EEFSEC: variants seen among roughly 807,000 people sequenced by gnomAD.
EEFSEC encodes selenocysteine-specific elongation factor.
A neutral mutation model predicts 42.1 loss-of-function variants in EEFSEC; 43 were observed. The ratio of observed to expected loss-of-function variants is 1.02; its 90% CI spans 0.80 to 1.32. EEFSEC has a LOEUF of 1.32. Among genes scored for constraint, EEFSEC ranks in the 40% most tolerant of loss-of-function variants. The probability of loss-of-function intolerance (pLI) is 0.00; values close to 1 mark genes in which losing one functional copy is unlikely to be tolerated. For synonymous variants in EEFSEC, 354 were observed against 339.1 expected (o/e 1.04, Z -0.48); for missense variants, 745 against 803.6 (o/e 0.93, Z 0.88).
intron 1 of EEFSEC, among the ~76,000 whole-genome samples, chr3:128,175,044 T>C (rs2065334374): frequency 6.6e-6 from 1 of 152,144 alleles, no homozygotes. Flanking sequence ...CTCTCCTGTC[T>C]AATGTCATCA....
At chr3:128,348,195 GAAAC>G (rs1251443056) in intron 5 of EEFSEC, among the ~76,000 whole-genome samples, 2 of 151,616 alleles carry the variant, frequency 1.3e-5, no homozygotes, top group Non-Finnish European at 2.9e-5. Context: ...ACTAAAATGA[GAAAC>G]AAAGCAGTTA....
chr3:128,360,396 G>A (rs554958481), intron 6 of EEFSEC, among the ~76,000 whole-genome samples: 84 of 152,320 alleles, frequency 5.5e-4, no homozygotes, highest in African/African-American at 1.9e-3. Context: ...GAAGGATCCC[G>A]GGATTCTTCC....
chr3:128,153,625 CCGCAGAGCCGCG>C lies in EEFSEC; in HGVS notation c.119_130del (p.Pro40_Glu44delinsGln), dbSNP rs1298621175. 32 of 1,597,312 alleles carry C rather than the reference CCGCAGAGCCGCG, an allele frequency of 2.0e-5. No homozygotes were observed. The highest frequency in any genetic ancestry group is 2.4e-5 in the Non-Finnish European group (28 of 1,177,638). ...CTCCACCGCCGCCTTTGACAAGCAGCCGCAGAGCCGCGAGCGCGGCATCACGCTCGATCTGGG... is the reference window on the plus strand; with the variant it reads ...CTCCACCGCCGCCTTTGACAAGCAGCAGCGCGGCATCACGCTCGATCTGGG... On this transcript the variant is annotated inframe_deletion, in exon 1 of 7. Transcript: ENST00000254730.
chr3:128,162,530 T>C (rs1220914296), intron 1 of EEFSEC, among the ~76,000 whole-genome samples: 1 of 152,208 alleles, frequency 6.6e-6, no homozygotes, highest in Non-Finnish European at 1.5e-5. Context: ...GCACCTTCTC[T>C]TGGCGCTGGA....
chr3:128,366,145 C>A (rs2067587456), intron 6 of EEFSEC, among the ~76,000 whole-genome samples: 1 of 152,234 alleles, frequency 6.6e-6, no homozygotes, highest in Non-Finnish European at 1.5e-5. Context: ...GAGTTGGGGA[C>A]ACACCCCTTC....
rs138470496 is a variant in EEFSEC, at chr3:128,399,075, A to AAAAT, written c.1601-8966_1601-8963dup. Among the ~76,000 whole-genome samples, 758 of 147,942 alleles carry AAAAT rather than the reference A, an allele frequency of 5.1e-3. 6 individuals are homozygous for AAAAT. Among genetic ancestry groups the AAAAT allele is most frequent in the South Asian group, 0.018 (84 of 4,760 alleles). ...AGAATGGATTTGTTTTTTGCCTTAA[A>AAAAT]AAATAAATAAATAAATAAATAAATA... On this transcript the variant is annotated intron_variant, in intron 6 of 6. Coordinates refer to ENST00000254730, the MANE Select transcript of EEFSEC (RefSeq NM_021937.5).
At chr3:128,350,435 G>A (rs922876099) in intron 5 of EEFSEC, among the ~76,000 whole-genome samples, 5 of 152,206 alleles carry the variant, frequency 3.3e-5, no homozygotes, top group Admixed American at 3.3e-4. Flanking sequence ...CTGCCAGAGG[G>A]TTGAAGGCCA....
intron 6 of EEFSEC, among the ~76,000 whole-genome samples, chr3:128,376,174 G>A (rs1434952201): frequency 6.6e-6 from 1 of 152,194 alleles, no homozygotes; most frequent in Middle Eastern, 3.2e-3. Context: ...GGAGCCTGGG[G>A]CATGCACAGT....
intron 6 of EEFSEC, among the ~76,000 whole-genome samples, chr3:128,390,999 A>G (rs997637189): frequency 6.6e-6 from 1 of 152,066 alleles, no homozygotes; most frequent in Non-Finnish European, 1.5e-5. Flanking sequence ...CACCCTCTTG[A>G]CACTCCCCTC....
chr3:128,165,834 T>C (rs2065237843), intron 1 of EEFSEC, among the ~76,000 whole-genome samples: 1 of 152,226 alleles, frequency 6.6e-6, no homozygotes, highest in South Asian at 2.1e-4. Flanking sequence ...ATAGATTTAT[T>C]TGGGTTGCTT....
chr3:128,201,101 T>G (rs529950702), intron 1 of EEFSEC, among the ~76,000 whole-genome samples: 59 of 152,314 alleles, frequency 3.9e-4, no homozygotes, highest in African/African-American at 1.4e-3. Context: ...TTATTTAACC[T>G]TCTCCTAAGT....
intron 1 of EEFSEC, among the ~76,000 whole-genome samples, chr3:128,167,059 C>A (rs1032024169): frequency 6.6e-6 from 1 of 152,098 alleles, no homozygotes; most frequent in Non-Finnish European, 1.5e-5. Context: ...GACTCCAGGC[C>A]GAATGAACCA....
At chr3:128,224,463 G>A (rs747404864) in intron 1 of EEFSEC, among the ~76,000 whole-genome samples, 1 of 152,098 alleles carries the variant, frequency 6.6e-6, no homozygotes, top group Non-Finnish European at 1.5e-5. Flanking sequence ...CATTTATCAT[G>A]TTCCTATTAG....
chr3:128,253,485 T>C (rs1271355132), intron 2 of EEFSEC, among the ~76,000 whole-genome samples: 2 of 152,202 alleles, frequency 1.3e-5, no homozygotes, highest in East Asian at 3.9e-4. Flanking sequence ...GCCCATGGAC[T>C]ATTGAGATGG....
chr3:128,237,481 A>G (rs1282628406), intron 1 of EEFSEC, among the ~76,000 whole-genome samples: 2 of 152,200 alleles, frequency 1.3e-5, no homozygotes, highest in East Asian at 3.9e-4. Context: ...ATGGCTACCC[A>G]TTGTCCCTTT....
intron 3 of EEFSEC, among the ~76,000 whole-genome samples, chr3:128,263,940 T>A (rs2066324860): frequency 6.6e-6 from 1 of 152,138 alleles, no homozygotes; most frequent in Admixed American, 6.5e-5. Flanking sequence ...CACTTGTCAT[T>A]CTCTCAGGCA....
intron 6 of EEFSEC, among the ~76,000 whole-genome samples, chr3:128,400,268 C>A (rs1339842894): frequency 3.3e-5 from 5 of 152,214 alleles, no homozygotes; most frequent in Admixed American, 3.3e-4. Context: ...TGGAGCCCAC[C>A]AGCACCCTGT....
intron 1 of EEFSEC, among the ~76,000 whole-genome samples, chr3:128,244,269 G>A (rs1006650736): frequency 6.6e-6 from 1 of 152,242 alleles, no homozygotes; most frequent in African/African-American, 2.4e-5. Flanking sequence ...GGACCCGGAA[G>A]ACAGTTGGGT....
chr3:128,208,271 G>A lies in EEFSEC; in HGVS notation c.317-38565G>A, dbSNP rs80350321. On this transcript the variant is annotated intron_variant, in intron 1 of 6. Transcript: ENST00000254730. ...TAGCACACTAAGAGTTTTTTGTTGC[G>A]GATTTCACTCTAACAGGCACCCAAG... Among the ~76,000 whole-genome samples the A allele has an allele frequency of 3.9e-3, 587 of 152,248 alleles. 3 individuals are homozygous for A. Among genetic ancestry groups the A allele is most frequent in the African/African-American group, 0.012 (500 of 41,548 alleles).
Sources: allele counts gnomAD v4.1 joint callset (sites outside exome capture counted in the v4.1 genomes callset), GRCh38; gene constraint gnomAD v4.1.1; transcripts MANE v1.5; gene names NCBI Gene and HGNC (gene_info 2026-07-23, HGNC 2026-07-21).